ADAMTS19: variants seen among roughly 807,000 people sequenced by gnomAD.
ADAMTS19 encodes ADAM metallopeptidase with thrombospondin type 1 motif 19, also known as A disintegrin and metalloproteinase with thrombospondin motifs 19.
In ADAMTS19, 93 loss-of-function variants were observed where a neutral mutation model predicts 153.3. The ratio of observed to expected loss-of-function variants is 0.61; its 90% CI spans 0.51 to 0.72. ADAMTS19 has a LOEUF of 0.72. ADAMTS19 is among the 30% of genes least tolerant of loss of function. The pLI, the probability that ADAMTS19 is intolerant of heterozygous loss-of-function variation, is 0.00. For synonymous variants in ADAMTS19, 600 were observed against 556.6 expected (o/e 1.08, Z -1.10); for missense variants, 1,482 against 1,552.1 (o/e 0.95, Z 0.76).
At chr5:129,516,600 G>A (rs1751619438) in intron 3 of ADAMTS19, among the ~76,000 whole-genome samples, 1 of 151,582 alleles carries the variant, frequency 6.6e-6, no homozygotes, top group Non-Finnish European at 1.5e-5. Context: ...GCTTATCGTG[G>A]CTACTAATGA....
intron 8 of ADAMTS19, among the ~76,000 whole-genome samples, chr5:129,608,879 G>T (rs1276784068): frequency 6.8e-6 from 1 of 147,752 alleles, no homozygotes. Context: ...GAGAAGAAAA[G>T]AACTAAATAA....
intron 10 of ADAMTS19, among the ~76,000 whole-genome samples, chr5:129,635,867 A>G (rs1315428656): frequency 6.6e-6 from 1 of 152,136 alleles, no homozygotes; most frequent in African/African-American, 2.4e-5. Flanking sequence ...AAACCTGCAC[A>G]TGTACCCCTG....
chr5:129,535,740 C>A (rs1271871115), intron 6 of ADAMTS19, among the ~76,000 whole-genome samples: 7 of 151,990 alleles, frequency 4.6e-5, no homozygotes, highest in Non-Finnish European at 8.8e-5. Context: ...CAGAACAGAG[C>A]CCTCAGAAAT....
intron 21 of ADAMTS19, among the ~76,000 whole-genome samples, chr5:129,713,778 TAAC>T: frequency 6.6e-6 from 1 of 150,632 alleles, no homozygotes; most frequent in Non-Finnish European, 1.5e-5. Context: ...AAAAAAAAAT[TAAC>T]AAAATGTTTT....
rs555038733 is a variant in ADAMTS19, at chr5:129,565,319, G to A, written c.1372+13412G>A. On this transcript the variant is annotated intron_variant, in intron 7 of 22. Coordinates refer to ENST00000274487, the MANE Select transcript of ADAMTS19 (RefSeq NM_133638.6). Reference sequence around the variant, plus strand: ...CATTGGCTATTGGCACATTATGATGGTCTGGGTCTCAGATATATTCGATAC... The same window carrying A: ...CATTGGCTATTGGCACATTATGATGATCTGGGTCTCAGATATATTCGATAC... Among the ~76,000 whole-genome samples, 8 of 152,246 alleles carry A rather than the reference G, an allele frequency of 5.3e-5. No individual in the cohort carries two copies. The South Asian group carries it at 1.5e-3, about 28-fold the overall frequency.
At chr5:129,531,884 A>G (rs1038155991) in intron 6 of ADAMTS19, among the ~76,000 whole-genome samples, 2 of 152,174 alleles carry the variant, frequency 1.3e-5, no homozygotes, top group African/African-American at 4.8e-5. Flanking sequence ...AAAGCTACCA[A>G]CATAATTCAG....
At chr5:129,516,756 A>G (rs1751625352) in intron 3 of ADAMTS19, among the ~76,000 whole-genome samples, 1 of 131,162 alleles carries the variant, frequency 7.6e-6, no homozygotes, top group Non-Finnish European at 1.5e-5. Flanking sequence ...CTTCTGTTTT[A>G]TTGATTTTTT....
intron 21 of ADAMTS19, among the ~76,000 whole-genome samples, chr5:129,719,807 G>A (rs953269416): frequency 4.6e-5 from 7 of 152,228 alleles, no homozygotes; most frequent in Admixed American, 2.0e-4. Context: ...TTGGGAGGCC[G>A]AGGTGGGCAG....
At chr5:129,706,641 A>G (rs1219289621) in intron 21 of ADAMTS19, among the ~76,000 whole-genome samples, 1 of 152,210 alleles carries the variant, frequency 6.6e-6, no homozygotes, top group Non-Finnish European at 1.5e-5. Context: ...AGAAGATGTA[A>G]TTGCAAAAAA....
At chr5:129,645,906 T>TTTTTTTTTTTTTTTTTTTTTTTTTTGG in intron 11 of ADAMTS19, among the ~76,000 whole-genome samples, 1 of 118,418 alleles carries the variant, frequency 8.4e-6, no homozygotes, top group East Asian at 2.9e-4. Context: ...TTTTTTTTTT[T>TTTTTTTTTTTTTTTTTTTTTTTTTTGG]GAGACGGAGT....
At chr5:129,563,217 T>G (rs1360113705) in intron 7 of ADAMTS19, among the ~76,000 whole-genome samples, 1 of 152,152 alleles carries the variant, frequency 6.6e-6, no homozygotes. Context: ...TTGGCATTTT[T>G]TTTTTTGCAT....
rs1196067788 is a variant in ADAMTS19, at chr5:129,649,089, T to C, written c.2176+119T>C. 7.8e-6 allele frequency: 8 copies of C among 1,023,042 alleles called. No homozygotes were observed. In the Admixed American group the frequency reaches 1.4e-4, roughly 18 times the overall value. The allele number at this position is 1,023,042 out of a possible 1,614,324, so 63.4% of individuals were successfully genotyped here. On this transcript the variant is annotated intron_variant, in intron 13 of 22. Transcript: ENST00000274487. ...TCAAAATATTTCTGAACTTTAATTT[T>C]TTCTACCTGTATGGACATATAATAA... is the stretch of plus-strand genomic sequence containing the variant.
chr5:129,562,081 T>A (rs1326261723), intron 7 of ADAMTS19, among the ~76,000 whole-genome samples: 1 of 152,176 alleles, frequency 6.6e-6, no homozygotes, highest in Non-Finnish European at 1.5e-5. Flanking sequence ...CAAGTATTGC[T>A]CAGATTTCCA....
At chr5:129,598,575 C>G (rs1316250267) in intron 8 of ADAMTS19, among the ~76,000 whole-genome samples, 1 of 152,144 alleles carries the variant, frequency 6.6e-6, no homozygotes, top group African/African-American at 2.4e-5. Flanking sequence ...CAATTGATTT[C>G]TAATTTTTTA....
At chr5:129,469,754 T>TA (rs1262519961) in intron 2 of ADAMTS19, among the ~76,000 whole-genome samples, 6 of 152,232 alleles carry the variant, frequency 3.9e-5, no homozygotes, top group African/African-American at 1.4e-4. Flanking sequence ...CTCAACTTTT[T>TA]ATCCTTTTAG....
Position 129,461,371 on chromosome 5 carries a change from G to A in ADAMTS19, c.361G>A (p.Glu121Lys), listed in dbSNP as rs1383638308. The change falls in exon 2 of 23, where the codon GAG becomes AAG. Residue 121 changes from glutamate (E) to lysine (K), a missense_variant. This residue lies in a region of ADAMTS19 where 866 missense variants were observed against 827.7 expected (regional missense o/e 1.05). Coordinates refer to ENST00000274487, the MANE Select transcript of ADAMTS19 (RefSeq NM_133638.6). This position sits in a 1 kb window ranked among gnomAD's most constrained non-coding sequence, Gnocchi z 4.6. ...PPPPSEGEED[E>K]ELESQELPRG... ...GCCGCCGTCGGAGGGTGAGGAGGAC[G>A]AGGAGCTCGAGTCGCAGGAGCTGCC... 12 of 1,346,646 alleles carry A rather than the reference G, an allele frequency of 8.9e-6. No homozygotes were observed. Among genetic ancestry groups the A allele is most frequent in the Non-Finnish European group, 1.1e-5 (12 of 1,060,036 alleles). 83.4% of individuals were successfully genotyped at this position (1,346,646 alleles called of 1,614,324 possible).
intron 10 of ADAMTS19, among the ~76,000 whole-genome samples, chr5:129,637,190 T>C (rs945679117): frequency 4.1e-4 from 63 of 152,334 alleles, no homozygotes; most frequent in African/African-American, 1.5e-3. Flanking sequence ...ATACAGAAAT[T>C]AATTTCAATG....
chr5:129,647,925 G>A (rs375754911), intron 12 of ADAMTS19, 30 bp downstream of exon 12: 105 of 1,588,058 alleles, frequency 6.6e-5, no homozygotes, highest in Non-Finnish European at 4.3e-6. Context: ...TTGGGGGAGG[G>A]CACTTTTCAA....
In ADAMTS19 at chr5:129,647,829, G is replaced by A; in HGVS notation, c.1937G>A (p.Ser646Asn). 1 of 1,614,146 alleles carries A rather than the reference G, an allele frequency of 6.2e-7. No homozygotes were observed. Among genetic ancestry groups the A allele is most frequent in the Non-Finnish European group, 8.5e-7 (1 of 1,180,002 alleles). ...CCTGAACATCTGGCCGGAGAGTGGA[G>A]CCTGTGGAGTCCTTGTAGCCGAACC... is the stretch of plus-strand genomic sequence containing the variant. ...SAPEHLAGEW[S>N]LWSPCSRTCS... Residue 646 changes from serine to asparagine, a missense_variant, in exon 12 of 23, where the codon AGC (serine) becomes AAC (asparagine). By Grantham distance (46) the Ser-to-Asn change is conservative (BLOSUM62 1). Around this residue, in one of 2 missense-constraint regions of ADAMTS19, gnomAD observed 616 missense variants for 724.4 expected, o/e 0.85. Coordinates refer to ENST00000274487, the MANE Select transcript of ADAMTS19 (RefSeq NM_133638.6).
Sources: allele counts gnomAD v4.1 joint callset (sites outside exome capture counted in the v4.1 genomes callset), GRCh38; gene constraint gnomAD v4.1.1; regional missense constraint gnomAD v4.1.1; non-coding constraint Gnocchi (gnomAD v3.1); transcripts MANE v1.5; gene names NCBI Gene and HGNC (gene_info 2026-07-23, HGNC 2026-07-21).